Variants in BRINP3 observed in about 807,000 individuals in gnomAD.
BRINP3 encodes BMP/retinoic acid-inducible neural-specific protein 3.
BRINP3 carries 19 observed loss-of-function variants against 71.0 expected under a neutral mutation model. The observed-to-expected ratio is 0.27, with a 90% CI of 0.19 to 0.39. The LOEUF is 0.39. Among genes scored for constraint, BRINP3 ranks in the 10% least tolerant of loss-of-function variants. The pLI is 1.00. For synonymous variants in BRINP3, 380 were observed against 337.7 expected, an observed-to-expected ratio of 1.13 and a Z score of -1.37; for missense variants, 959 against 940.8, an observed-to-expected ratio of 1.02 and a Z score of -0.25.
chr1:190,387,798 G>A (rs1469848304), intron 2 of BRINP3, among the ~76,000 whole-genome samples: 2 of 151,768 alleles, frequency 1.3e-5, no homozygotes, highest in African/African-American at 4.8e-5. Context: ...GGCTTTAAAT[G>A]TCATCTTTAT....
At chr1:190,392,085 G>T (rs1201269411) in intron 2 of BRINP3, among the ~76,000 whole-genome samples, 1 of 151,040 alleles carries the variant, frequency 6.6e-6, no homozygotes. Flanking sequence ...TTAATTGAAA[G>T]ACTCTTCTGG....
At chr1:190,443,043 G>A (rs1276441523) in intron 2 of BRINP3, among the ~76,000 whole-genome samples, 1 of 151,222 alleles carries the variant, frequency 6.6e-6, no homozygotes, top group Non-Finnish European at 1.5e-5. Flanking sequence ...CTCCCAAGTA[G>A]CTGGGACTAT....
chr1:190,432,508 T>C (rs945444698), intron 2 of BRINP3, among the ~76,000 whole-genome samples: 1 of 152,194 alleles, frequency 6.6e-6, no homozygotes, highest in African/African-American at 2.4e-5. Context: ...CATCTGAAAT[T>C]TCCATCCTCT....
rs1661542515 is a variant in BRINP3, at chr1:190,265,116, T to C, written c.428-61A>G. 5 of 1,435,582 alleles carry C rather than the reference T, an allele frequency of 3.5e-6. No homozygotes were observed. The East Asian group carries it at 7.3e-5, about 21-fold the overall frequency. 88.9% of individuals were successfully genotyped at this position (1,435,582 alleles called of 1,614,324 possible). On this transcript the variant is annotated intron_variant, in intron 3 of 7. Transcript: ENST00000367462. ...ACTTAAAATCTTTTTTTTTAACTTA[T>C]CTGCAGGTGGAAAGGTCTAGCTTAT... is the stretch of plus-strand genomic sequence containing the variant.
intron 6 of BRINP3, among the ~76,000 whole-genome samples, chr1:190,189,618 T>G (rs1446159531): frequency 5.9e-5 from 9 of 152,152 alleles, no homozygotes; most frequent in African/African-American, 2.2e-4. Flanking sequence ...GTTTTTAATT[T>G]AAATCTATTA....
chr1:190,431,349 T>A (rs1674086522), intron 2 of BRINP3, among the ~76,000 whole-genome samples: 1 of 152,124 alleles, frequency 6.6e-6, no homozygotes, highest in African/African-American at 2.4e-5. Flanking sequence ...AATTGTTTTT[T>A]AAATTTATTT....
chr1:190,213,288 T>G (rs949844220), intron 6 of BRINP3, among the ~76,000 whole-genome samples: 1 of 152,078 alleles, frequency 6.6e-6, no homozygotes, highest in Non-Finnish European at 1.5e-5. Context: ...GCCCCCATCC[T>G]GTAGTGAGAA....
chr1:190,231,112 G>T (rs184118998), intron 5 of BRINP3, among the ~76,000 whole-genome samples: 13 of 151,792 alleles, frequency 8.6e-5, no homozygotes, highest in African/African-American at 2.7e-4. Context: ...TAAGTATGAA[G>T]AAATATTTTT....
chr1:190,452,692 C>T (rs1011072802), intron 2 of BRINP3, among the ~76,000 whole-genome samples: 1 of 152,086 alleles, frequency 6.6e-6, no homozygotes, highest in Non-Finnish European at 1.5e-5. Flanking sequence ...CCCGTCTCTA[C>T]CAACAATACA....
At chr1:190,409,024 T>C (rs1361698051) in intron 2 of BRINP3, among the ~76,000 whole-genome samples, 2 of 152,330 alleles carry the variant, frequency 1.3e-5, no homozygotes, top group African/African-American at 2.4e-5. Flanking sequence ...AGACCAGCAA[T>C]GCATGTGATA....
In BRINP3 at chr1:190,262,586, T is replaced by C. The variant is rs576749205; in HGVS notation, c.618+2279A>G. Among the ~76,000 whole-genome samples, 7 of 152,278 alleles carry C rather than the reference T, an allele frequency of 4.6e-5. No individual in the cohort carries two copies. The East Asian group carries it at 1.4e-3, about 29-fold the overall frequency. ...CCCCTTTCCACCCATCTCCAGCTAC[T>C]CTACACACACTTTAAATCATTTTTA... On this transcript the variant is annotated intron_variant, in intron 4 of 7. Coordinates refer to ENST00000367462, the MANE Select transcript of BRINP3 (RefSeq NM_199051.3).
intron 2 of BRINP3, among the ~76,000 whole-genome samples, chr1:190,372,117 A>G (rs1273254800): frequency 1.3e-5 from 2 of 152,248 alleles, no homozygotes; most frequent in Non-Finnish European, 2.9e-5. Flanking sequence ...TGCAGGCCTG[A>G]CAGGCTAAGA....
At chr1:190,357,006 G>A (rs1351459498) in intron 2 of BRINP3, among the ~76,000 whole-genome samples, 1 of 151,256 alleles carries the variant, frequency 6.6e-6, no homozygotes, top group South Asian at 2.1e-4. Flanking sequence ...TGCTTTCACA[G>A]ACACATGGAA....
At chr1:190,181,399 T>C (rs976541414) in intron 6 of BRINP3, among the ~76,000 whole-genome samples, 1 of 152,036 alleles carries the variant, frequency 6.6e-6, no homozygotes, top group African/African-American at 2.4e-5. Flanking sequence ...ATTTTAGATA[T>C]GTTAAGGCTT....
intron 6 of BRINP3, among the ~76,000 whole-genome samples, chr1:190,215,355 A>G (rs1242806799): frequency 6.6e-6 from 1 of 151,882 alleles, no homozygotes; most frequent in African/African-American, 2.4e-5. Flanking sequence ...CTGTCAAAGA[A>G]GGAGAATGAA....
intron 2 of BRINP3, among the ~76,000 whole-genome samples, chr1:190,451,928 G>T (rs971288115): frequency 2.6e-5 from 4 of 152,100 alleles, no homozygotes; most frequent in African/African-American, 7.2e-5. Context: ...TAACAGGTTT[G>T]ATATGTTTTA....
At chr1:190,453,358 C>A (rs1341753986) in intron 2 of BRINP3, among the ~76,000 whole-genome samples, 1 of 151,056 alleles carries the variant, frequency 6.6e-6, no homozygotes, top group Non-Finnish European at 1.5e-5. Flanking sequence ...GTAGCTGGGA[C>A]TACAGGCGCT....
intron 4 of BRINP3, among the ~76,000 whole-genome samples, chr1:190,256,583 G>A (rs566949711): frequency 1.3e-3 from 196 of 152,136 alleles, no homozygotes; most frequent in African/African-American, 4.3e-3. Context: ...TCCTAGCATC[G>A]ATGGTCTTTA....
At chr1:190,313,510 C>A (rs1665672867) in intron 2 of BRINP3, among the ~76,000 whole-genome samples, 1 of 152,002 alleles carries the variant, frequency 6.6e-6, no homozygotes, top group African/African-American at 2.4e-5. Context: ...AAGCAAAATT[C>A]TGCAACCTAT....
Sources: allele counts gnomAD v4.1 joint callset (sites outside exome capture counted in the v4.1 genomes callset), GRCh38; gene constraint gnomAD v4.1.1; transcripts MANE v1.5; gene names NCBI Gene and HGNC (gene_info 2026-07-23, HGNC 2026-07-21).